ARHGAP15: variants seen among roughly 807,000 people sequenced by gnomAD.
ARHGAP15 encodes the protein rho GTPase-activating protein 15.
In ARHGAP15, 51 loss-of-function variants were observed where a neutral mutation model predicts 63.7. The ratio of observed to expected loss-of-function variants is 0.80; its 90% CI spans 0.64 to 1.01. The LOEUF is 1.01. Ranked by LOEUF, ARHGAP15 falls within the 50% of genes least tolerant of loss-of-function variation. ARHGAP15 has a pLI of 0.00. For missense variants in ARHGAP15, 560 were observed against 564.6 expected, an observed-to-expected ratio of 0.99 and a Z score of 0.08; for synonymous variants, 191 against 193.8, an observed-to-expected ratio of 0.99 and a Z score of 0.12.
chr2:143,705,184 G>A (rs72994457), intron 13 of ARHGAP15, among the ~76,000 whole-genome samples: 135 of 152,202 alleles, frequency 8.9e-4, no homozygotes, highest in African/African-American at 3.0e-3. Context: ...AGTTCATTGC[G>A]TTAGGGAACA....
chr2:143,173,956 C>T (rs1409924485), intron 2 of ARHGAP15, among the ~76,000 whole-genome samples: 1 of 152,054 alleles, frequency 6.6e-6, no homozygotes, highest in South Asian at 2.1e-4. Flanking sequence ...GTTTTATTCT[C>T]CTTGGTTGAA....
At chr2:143,446,290 G>A (rs1261297395) in intron 8 of ARHGAP15, among the ~76,000 whole-genome samples, 2 of 151,634 alleles carry the variant, frequency 1.3e-5, no homozygotes, top group African/African-American at 4.8e-5. Flanking sequence ...GTTATAAAAT[G>A]ATTTCCATCT....
At chr2:143,712,329 T>A (rs1022632274) in intron 13 of ARHGAP15, among the ~76,000 whole-genome samples, 18 of 152,298 alleles carry the variant, frequency 1.2e-4, no homozygotes, top group South Asian at 6.2e-4. Flanking sequence ...ACTGGAGGCA[T>A]GAAAAAAGCA....
chr2:143,518,050 G>A (rs1047626470), intron 9 of ARHGAP15, among the ~76,000 whole-genome samples: 1 of 152,146 alleles, frequency 6.6e-6, no homozygotes, highest in African/African-American at 2.4e-5. Context: ...TTCATTATCA[G>A]TAATAAACAG....
At chr2:143,500,969 C>T (rs532017975) in intron 9 of ARHGAP15, among the ~76,000 whole-genome samples, 4 of 152,062 alleles carry the variant, frequency 2.6e-5, no homozygotes, top group Non-Finnish European at 5.9e-5. Flanking sequence ...ATGTGAGGGT[C>T]ATTAACTTGA....
chr2:143,605,614 G>A (rs147400732), intron 11 of ARHGAP15, among the ~76,000 whole-genome samples: 166 of 152,132 alleles, frequency 1.1e-3, no homozygotes, highest in African/African-American at 3.9e-3. Context: ...GCCAAGGTAT[G>A]CTGCCTCAGG....
chr2:143,530,497 G>C (rs981737128), intron 10 of ARHGAP15, among the ~76,000 whole-genome samples: 7 of 152,104 alleles, frequency 4.6e-5, no homozygotes, highest in African/African-American at 1.7e-4. Context: ...TTTTGAGACC[G>C]ACCAGTGTCA....
intron 8 of ARHGAP15, among the ~76,000 whole-genome samples, chr2:143,450,044 A>G (rs1373803197): frequency 7.2e-6 from 1 of 138,230 alleles, no homozygotes; most frequent in Non-Finnish European, 1.6e-5. Flanking sequence ...AAGAATAATT[A>G]ATCTTTTTTT....
chr2:143,761,988 C>G (rs1023248403), intron 13 of ARHGAP15, among the ~76,000 whole-genome samples: 5 of 152,106 alleles, frequency 3.3e-5, no homozygotes, highest in Non-Finnish European at 5.9e-5. Context: ...ATACAAAGTG[C>G]TATTTCATGA....
At chr2:143,245,562 A>G (rs1694017443) in intron 5 of ARHGAP15, among the ~76,000 whole-genome samples, 2 of 152,192 alleles carry the variant, frequency 1.3e-5, no homozygotes, top group African/African-American at 4.8e-5. Flanking sequence ...ACGGAAAGGA[A>G]ATAAGTGAGA....
chr2:143,730,295 G>A (rs566325001), intron 13 of ARHGAP15, among the ~76,000 whole-genome samples: 7 of 152,208 alleles, frequency 4.6e-5, no homozygotes, highest in Non-Finnish European at 1.0e-4. Context: ...TAGAGCTGGA[G>A]GCTTAGAAAG....
At position 143,250,729 on chromosome 2, in the gene ARHGAP15, A is replaced by G. The variant is rs1680113416; in HGVS notation, c.474+129A>G. 16 of 682,568 alleles carry G rather than the reference A, an allele frequency of 2.3e-5. No homozygotes were observed. The South Asian group carries it at 3.3e-4, about 14-fold the overall frequency. 42.3% of individuals were successfully genotyped at this position (682,568 alleles called of 1,614,324 possible). A position where few individuals can be genotyped will look rare whatever the true frequency, so the allele number is the denominator to read the frequency against. ...GAACTCGTTGTCTGAAGGTCATGAA[A>G]GGCGACTCCTCTTCCCAGTTGAATC... On this transcript the variant is annotated intron_variant, in intron 6 of 13. Transcript: ENST00000295095.
intron 6 of ARHGAP15, among the ~76,000 whole-genome samples, chr2:143,335,174 A>G (rs1439947264): frequency 2.6e-5 from 4 of 152,206 alleles, no homozygotes; most frequent in Admixed American, 1.3e-4. Context: ...GAGAATCCCA[A>G]GGGACCAGTG....
At chr2:143,236,043 T>C in intron 5 of ARHGAP15, 1 of 1,509,848 alleles carries the variant, frequency 6.6e-7, no homozygotes, top group Non-Finnish European at 8.9e-7. Flanking sequence ...ATGGATTGCA[T>C]CATAGAGAAG....
chr2:143,474,039 C>A (rs1300084795), intron 8 of ARHGAP15, among the ~76,000 whole-genome samples: 1 of 152,150 alleles, frequency 6.6e-6, no homozygotes, highest in East Asian at 1.9e-4. Context: ...TTTTCCCATC[C>A]ATAGCTCAAT....
At chr2:143,278,063 C>A (rs1311180177) in intron 6 of ARHGAP15, among the ~76,000 whole-genome samples, 2 of 152,084 alleles carry the variant, frequency 1.3e-5, no homozygotes, top group Non-Finnish European at 2.9e-5. Context: ...ACAATACAGA[C>A]ATTTTATCCT....
chr2:143,485,921 A>G (rs1290426097), intron 8 of ARHGAP15, among the ~76,000 whole-genome samples: 2 of 152,204 alleles, frequency 1.3e-5, no homozygotes, highest in African/African-American at 4.8e-5. Context: ...GAAAAATAAA[A>G]TTCCACCCTT....
At chr2:143,437,223 TG>T in intron 8 of ARHGAP15, 181 bp downstream of exon 8, 1 of 592,602 alleles carries the variant, frequency 1.7e-6, no homozygotes, top group Non-Finnish European at 2.9e-6. Flanking sequence ...ACATCATTGT[TG>T]GTAATGCCTT....
Position 143,281,369 on chromosome 2 carries a change from A to G in ARHGAP15, c.474+30769A>G, listed in dbSNP as rs575047015. ...AGAGCTTGGATGAAGTCTTTTATAC[A>G]GAAAGTGCTAAGGAGCATAGCAAGA... On this transcript the variant is annotated intron_variant, in intron 6 of 13. Transcript: ENST00000295095. 9.8e-5 allele frequency among the ~76,000 whole-genome samples: 15 copies of G among 152,318 alleles called. 1 individual carries two copies. In the South Asian group the frequency reaches 1.9e-3, roughly 19 times the overall value.
Sources: gnomAD v4.1 joint callset for allele counts (sites outside exome capture counted in the v4.1 genomes callset) on GRCh38, gnomAD v4.1.1 for gene constraint, MANE v1.5 for transcripts, NCBI Gene and HGNC (gene_info 2026-07-23, HGNC 2026-07-21) for gene names.